AIG1: variants seen among roughly 807,000 people sequenced by gnomAD.
The protein encoded by AIG1 is androgen-induced gene 1 protein.
In AIG1, 23 loss-of-function variants were observed where a neutral mutation model predicts 31.4. That is an observed-to-expected ratio of 0.73 (90% CI 0.53 to 1.04). The LOEUF (loss-of-function observed/expected upper bound fraction) is 1.04, where lower values mean the gene tolerates loss of function less well. Ranked by LOEUF, AIG1 falls within the 50% of genes least tolerant of loss-of-function variation. The probability of loss-of-function intolerance (pLI) is 0.00; values close to 1 mark genes in which losing one functional copy is unlikely to be tolerated. For synonymous variants in AIG1, 100 were observed against 110.5 expected (o/e 0.90, Z 0.60); for missense variants, 274 against 295.0 (o/e 0.93, Z 0.52).
At chr6:143,199,672 C>A (rs1340376024) in intron 3 of AIG1, among the ~76,000 whole-genome samples, 2 of 152,094 alleles carry the variant, frequency 1.3e-5, no homozygotes, top group Non-Finnish European at 2.9e-5. Flanking sequence ...TAACAATTTG[C>A]TTTTGAGTCA....
chr6:143,285,265 G>T (rs1797605839), intron 4 of AIG1, among the ~76,000 whole-genome samples: 6 of 151,664 alleles, frequency 4.0e-5, no homozygotes, highest in Admixed American at 3.9e-4. Flanking sequence ...GCTTCAGGAA[G>T]TCACACCCTG....
rs544418946 is a variant in AIG1 at position 143,196,851 on chromosome 6, A to T, written c.399+31668A>T. Among the ~76,000 whole-genome samples the T allele has an allele frequency of 2.7e-4, 41 of 152,366 alleles. No individual in the cohort carries two copies. The East Asian group carries it at 7.5e-3, about 28-fold the overall frequency. ...TACTGGCAATAAAAAAAAGAAAAAA[A>T]AACTCTTCAGGAGCATAAAATGTTA... On this transcript the variant is annotated intron_variant, in intron 3 of 5. Transcript: ENST00000357847.
intron 3 of AIG1, among the ~76,000 whole-genome samples, chr6:143,231,488 C>G (rs567393200): frequency 6.6e-6 from 1 of 152,090 alleles, no homozygotes; most frequent in Non-Finnish European, 1.5e-5. Flanking sequence ...GGAACTATCT[C>G]GTGAACAGAG....
At chr6:143,153,986 C>T (rs558725364) in intron 2 of AIG1, among the ~76,000 whole-genome samples, 2 of 151,602 alleles carry the variant, frequency 1.3e-5, no homozygotes, top group African/African-American at 4.8e-5. Flanking sequence ...TGTGGTGGTT[C>T]ATGCCTATAA....
chr6:143,266,219 C>G (rs994628938), intron 3 of AIG1, among the ~76,000 whole-genome samples: 1 of 151,894 alleles, frequency 6.6e-6, no homozygotes, highest in Non-Finnish European at 1.5e-5. Context: ...TGGTGGCGAG[C>G]GCCTGTAATC....
chr6:143,252,986 C>T (rs1211627742), intron 3 of AIG1, among the ~76,000 whole-genome samples: 1 of 152,170 alleles, frequency 6.6e-6, no homozygotes, highest in Non-Finnish European at 1.5e-5. Flanking sequence ...CTTGCTATGT[C>T]GGCCTCCCCA....
intron 3 of AIG1, chr6:143,189,617 C>G: frequency 2.0e-6 from 2 of 985,312 alleles, no homozygotes; most frequent in Non-Finnish European, 2.4e-6. Context: ...TTGTTTTACC[C>G]TACTATCTTT....
At chr6:143,168,100 A>G (rs2128568753) in intron 3 of AIG1, among the ~76,000 whole-genome samples, 1 of 152,304 alleles carries the variant, frequency 6.6e-6, no homozygotes, top group African/African-American at 2.4e-5. Flanking sequence ...ATAAAATGAC[A>G]TTTCAAATAA....
chr6:143,225,760 G>T (rs907168298), intron 3 of AIG1, among the ~76,000 whole-genome samples: 8 of 152,316 alleles, frequency 5.3e-5, no homozygotes, highest in Non-Finnish European at 1.0e-4. Flanking sequence ...AACACAGTTT[G>T]TCTCATTGAC....
intron 3 of AIG1, chr6:143,188,888 A>G (rs1479619593): frequency 1.0e-6 from 1 of 985,218 alleles, no homozygotes; most frequent in African/African-American, 1.7e-5. Flanking sequence ...TGTAAATTTA[A>G]AGTGTATTCA....
intron 3 of AIG1, among the ~76,000 whole-genome samples, chr6:143,228,174 T>G (rs909495017): frequency 3.9e-5 from 6 of 152,184 alleles, no homozygotes; most frequent in African/African-American, 1.2e-4. Context: ...GGAATATGCT[T>G]TGAAAAATCT....
At chr6:143,164,397 T>G (rs11969511) in intron 2 of AIG1, among the ~76,000 whole-genome samples, 1 of 152,232 alleles carries the variant, frequency 6.6e-6, no homozygotes, top group Admixed American at 6.5e-5. Flanking sequence ...TACTCTACTC[T>G]CTTTTGATGA....
intron 3 of AIG1, among the ~76,000 whole-genome samples, chr6:143,167,977 T>G (rs968607913): frequency 3.9e-5 from 6 of 152,192 alleles, no homozygotes; most frequent in African/African-American, 1.4e-4. Context: ...GAATTCTGTA[T>G]CTGTGCAACT....
At chr6:143,101,450 G>A (rs2128483587) in intron 1 of AIG1, among the ~76,000 whole-genome samples, 1 of 152,252 alleles carries the variant, frequency 6.6e-6, no homozygotes, top group Non-Finnish European at 1.5e-5. Context: ...GAATAGACAA[G>A]GAGAGGAAGA....
rs1398058183 is a variant in AIG1 at position 143,317,392 on chromosome 6, TA to T, written c.516-15885del. ...ATGTGGTACCCCACATAAACAGAAT[TA>T]AAAACAAAAATCACATGATCATCTC... On this transcript the variant is annotated intron_variant, in intron 4 of 5. Coordinates refer to ENST00000357847, the MANE Select transcript of AIG1 (RefSeq NM_016108.4). Among the ~76,000 whole-genome samples the T allele has an allele frequency of 8.6e-5, 13 of 152,042 alleles. No homozygotes were observed. The East Asian group carries it at 2.5e-3, about 29-fold the overall frequency.
At position 143,339,876 on chromosome 6, in the gene AIG1, T is replaced by A. The variant is rs550656088; in HGVS notation, c.*200T>A. The A allele has an allele frequency of 2.5e-6, 1 of 405,344 alleles. No homozygotes were observed. Among genetic ancestry groups the A allele is most frequent in the Admixed American group, 4.5e-5 (1 of 22,204 alleles). The allele number at this position is 405,344 out of a possible 1,614,324, so 25.1% of individuals were successfully genotyped here. ...TCCAAAAGAACTCACCCTCACTGTG[T>A]GTTAAAGAATTCTTCCCAAAGTCAT... On this transcript the variant is annotated 3_prime_UTR_variant, in exon 6 of 6. Coordinates refer to ENST00000357847, the MANE Select transcript of AIG1 (RefSeq NM_016108.4).
chr6:143,248,207 A>C (rs752401062), intron 3 of AIG1, among the ~76,000 whole-genome samples: 1 of 152,230 alleles, frequency 6.6e-6, no homozygotes, highest in African/African-American at 2.4e-5. Context: ...CTACCAGTAC[A>C]TACCAATATC....
intron 2 of AIG1, among the ~76,000 whole-genome samples, chr6:143,146,326 A>G (rs1483717461): frequency 6.6e-6 from 1 of 152,208 alleles, no homozygotes; most frequent in Non-Finnish European, 1.5e-5. Flanking sequence ...TGAACACTAG[A>G]CATGTGATTC....
rs148250334 is a variant in AIG1, at chr6:143,283,503, G to A, written c.400-607G>A. On this transcript the variant is annotated intron_variant, in intron 3 of 5. Transcript: ENST00000357847. ...TTAACATTTGGACAAAGAGTTCTAC[G>A]AAAGATGTTCATCATGATGTTTTTA... Among the ~76,000 whole-genome samples the A allele has an allele frequency of 5.5e-3, 844 of 152,294 alleles. 3 individuals carry two copies. The highest frequency in any genetic ancestry group is 8.4e-3 in the Admixed American group (128 of 15,300).
Sources: gnomAD v4.1 joint callset for allele counts (sites outside exome capture counted in the v4.1 genomes callset) on GRCh38, gnomAD v4.1.1 for gene constraint, MANE v1.5 for transcripts, NCBI Gene and HGNC (gene_info 2026-07-23, HGNC 2026-07-21) for gene names.